CAMK2G: variants seen among roughly 807,000 people sequenced by gnomAD.
The protein encoded by CAMK2G is calcium/calmodulin-dependent protein kinase type II subunit gamma.
In CAMK2G, 23 loss-of-function variants were observed where a neutral mutation model predicts 88.7. The ratio of observed to expected loss-of-function variants is 0.26; its 90% CI spans 0.19 to 0.37. The LOEUF (loss-of-function observed/expected upper bound fraction) is 0.37. Among genes scored for constraint, CAMK2G ranks in the 10% least tolerant of loss-of-function variants. The pLI is 1.00. For missense variants in CAMK2G, 476 were observed against 780.8 expected (o/e 0.61, Z 4.65); for synonymous variants, 263 against 294.8 (o/e 0.89, Z 1.11).
chr10:73,874,281 G>A, intron 1 of CAMK2G, 116 bp downstream of exon 1: 1 of 554,086 alleles, frequency 1.8e-6, no homozygotes. Flanking sequence ...GAAAGGCGGG[G>A]GTGGGGCGGC....
Position 73,824,163 on chromosome 10 carries a change from CA to C in CAMK2G, c.1156-80del, listed in dbSNP as rs1486207100. 3.8e-6 allele frequency: 4 copies of C among 1,061,576 alleles called. No homozygotes were observed. In the African/African-American group the frequency reaches 4.7e-5, roughly 12 times the overall value. 65.8% of individuals were successfully genotyped at this position (1,061,576 alleles called of 1,614,324 possible). A position where few individuals can be genotyped will look rare whatever the true frequency, so the allele number is the denominator to read the frequency against. Reference sequence around the variant, plus strand: ...TCCCTGAGGAGCCCCACCTGCACCCCAGGACCCCCGCAGACCCTATGATGAC... The same window carrying C: ...TCCCTGAGGAGCCCCACCTGCACCCCGGACCCCCGCAGACCCTATGATGAC... On this transcript the variant is annotated intron_variant, in intron 16 of 22. Coordinates refer to ENST00000423381, the MANE Select transcript of CAMK2G (RefSeq NM_001367534.1).
intron 5 of CAMK2G, among the ~76,000 whole-genome samples, chr10:73,850,733 G>C (rs1451573401): frequency 6.6e-6 from 1 of 152,192 alleles, no homozygotes; most frequent in Non-Finnish European, 1.5e-5. Context: ...AAAATCTGAT[G>C]CTGGGGATGC....
chr10:73,848,156 G>T lies in CAMK2G; in HGVS notation c.602-74C>A. The T allele has an allele frequency of 2.2e-6, 2 of 899,826 alleles. No homozygotes were observed. The highest frequency in any genetic ancestry group is 2.4e-5 in the East Asian group (1 of 41,596). 55.7% of individuals were successfully genotyped at this position (899,826 alleles called of 1,614,324 possible). A position where few individuals can be genotyped will look rare whatever the true frequency, so the allele number is the denominator to read the frequency against. ...GAGGAACCAAGAAAAACCATGCAGG[G>T]CTCAGAGCCACCTAGAAAGGCAGGG... On this transcript the variant is annotated intron_variant, in intron 8 of 22. Coordinates refer to ENST00000423381, the MANE Select transcript of CAMK2G (RefSeq NM_001367534.1). This position sits in a 1 kb window ranked among gnomAD's most constrained non-coding sequence, Gnocchi z 4.5.
chr10:73,832,302 T>C (rs2133954445), intron 14 of CAMK2G, among the ~76,000 whole-genome samples: 1 of 141,416 alleles, frequency 7.1e-6, no homozygotes, highest in African/African-American at 2.7e-5. Flanking sequence ...TGATAGTGTA[T>C]GTACTCCTTT....
intron 14 of CAMK2G, among the ~76,000 whole-genome samples, chr10:73,833,694 G>C (rs993007233): frequency 1.3e-5 from 2 of 151,336 alleles, no homozygotes; most frequent in Non-Finnish European, 2.9e-5. Flanking sequence ...CCCCCGCAAG[G>C]TTCAAGTGAT....
intron 18 of CAMK2G, among the ~76,000 whole-genome samples, chr10:73,820,935 A>C (rs979974229): frequency 1.4e-4 from 21 of 151,938 alleles, no homozygotes; most frequent in Admixed American, 6.6e-5. Flanking sequence ...TTGGCCTCCC[A>C]AAGTGTTGGG....
chr10:73,839,894 T>C lies in CAMK2G; in HGVS notation c.947-293A>G, dbSNP rs2134297353. ...CTCCGGAGGAGGGTCCACAGCGAAA[T>C]GCCTGAGCCGGTGAGAGGCAGGTGC... On this transcript the variant is annotated intron_variant, in intron 12 of 22. Transcript: ENST00000423381. The surrounding 1 kb of genome is among the most constrained non-coding windows in gnomAD (Gnocchi z 4.2). Among the ~76,000 whole-genome samples the C allele has an allele frequency of 6.6e-6, 1 of 152,246 alleles. No individual in the cohort carries two copies. The highest frequency in any genetic ancestry group is 1.9e-4 in the East Asian group (1 of 5,168).
intron 10 of CAMK2G, among the ~76,000 whole-genome samples, chr10:73,845,724 G>A (rs2094188970): frequency 6.6e-6 from 1 of 152,012 alleles, no homozygotes; most frequent in African/African-American, 2.4e-5. Flanking sequence ...TCCAACTGGA[G>A]AGAATTAAAT....
chr10:73,829,643 C>T (rs1222598430), intron 14 of CAMK2G, among the ~76,000 whole-genome samples: 7 of 149,720 alleles, frequency 4.7e-5, no homozygotes, highest in Admixed American at 2.7e-4. Flanking sequence ...TATTTTACTT[C>T]GAAAATCATC....
At chr10:73,872,962 G>A in intron 2 of CAMK2G, 27 bp downstream of exon 2, 1 of 1,460,988 alleles carries the variant, frequency 6.8e-7, no homozygotes, top group African/African-American at 1.4e-5. Context: ...GCACCCTCAG[G>A]AAGAGGTCAA....
chr10:73,853,941 G>A (rs1315516056), intron 3 of CAMK2G, among the ~76,000 whole-genome samples: 1 of 152,196 alleles, frequency 6.6e-6, no homozygotes, highest in Non-Finnish European at 1.5e-5. Context: ...CTGCCTTTGA[G>A]GAGTTTATTA....
intron 18 of CAMK2G, 37 bp from the exon 19 acceptor site, chr10:73,819,682 G>A (rs1465144743): frequency 1.5e-6 from 2 of 1,334,454 alleles, no homozygotes; most frequent in Admixed American, 2.1e-5. Flanking sequence ...GGGCAAGGCA[G>A]AGCAGCCAAA....
Position 73,847,235 on chromosome 10 carries a change from G to A in CAMK2G, c.809C>T (p.Pro270Leu), listed in dbSNP as rs1196090099. 10 of 1,614,010 alleles carry A rather than the reference G, an allele frequency of 6.2e-6. No individual in the cohort carries two copies. The highest frequency in any genetic ancestry group is 1.3e-5 in the African/African-American group (1 of 74,926). ...RITADQALKH[P>L]WVCQRSTVAS... ...AGCAAAGACACTTACACAGACCCAC[G>A]GGTGCTTGAGAGCCTGGTCAGCCGT... is the stretch of plus-strand genomic sequence containing the variant. The change falls in exon 10 of 23, where the codon CCG (proline) becomes CTG (leucine). Residue 270 changes from proline (P) to leucine (L), a missense_variant. Pro to Leu is a moderately conservative substitution (Grantham distance 98). Transcript: ENST00000423381.
chr10:73,873,727 G>C (rs968375750), intron 1 of CAMK2G, among the ~76,000 whole-genome samples: 2 of 135,792 alleles, frequency 1.5e-5, no homozygotes, highest in East Asian at 2.6e-4. Context: ...AAACGTCTGG[G>C]GGGGCGGGCG....
intron 3 of CAMK2G, among the ~76,000 whole-genome samples, chr10:73,856,062 C>T (rs777645925): frequency 2.0e-5 from 3 of 152,014 alleles, no homozygotes; most frequent in South Asian, 2.1e-4. Context: ...TGTGAGCCAC[C>T]GCACCCCATC....
At chr10:73,847,489 G>A (rs2094330607) in intron 9 of CAMK2G, 142 bp from the exon 10 acceptor site, 2 of 842,858 alleles carry the variant, frequency 2.4e-6, no homozygotes, top group African/African-American at 3.4e-5. Flanking sequence ...GAGAAGCCCT[G>A]CGGCTATTCC....
intron 3 of CAMK2G, among the ~76,000 whole-genome samples, chr10:73,856,863 C>T (rs2095072216): frequency 6.6e-6 from 1 of 152,240 alleles, no homozygotes; most frequent in African/African-American, 2.4e-5. Context: ...ATAGCCACAA[C>T]CCAAATGTTG....
At chr10:73,857,012 C>CCCCCA (rs1232817071) in intron 3 of CAMK2G, among the ~76,000 whole-genome samples, 1 of 152,218 alleles carries the variant, frequency 6.6e-6, no homozygotes, top group Admixed American at 6.5e-5. Context: ...GGTCCTGTTG[C>CCCCCA]CATGGGGGCT....
intron 3 of CAMK2G, among the ~76,000 whole-genome samples, chr10:73,854,506 C>T (rs2094880414): frequency 6.6e-6 from 1 of 152,184 alleles, no homozygotes. Flanking sequence ...TTCCAAAGGC[C>T]TCCCTCGGTT....
Sources: allele counts gnomAD v4.1 joint callset (sites outside exome capture counted in the v4.1 genomes callset), GRCh38; gene constraint gnomAD v4.1.1; non-coding constraint Gnocchi (gnomAD v3.1); transcripts MANE v1.5; gene names NCBI Gene and HGNC (gene_info 2026-07-23, HGNC 2026-07-21).